GPHN: variants seen among roughly 807,000 people sequenced by gnomAD.
GPHN encodes the protein gephyrin.
GPHN carries 17 observed loss-of-function variants against 95.5 expected under a neutral mutation model. That is an observed-to-expected ratio of 0.18 (90% CI 0.12 to 0.27). GPHN has a LOEUF of 0.27. Ranked by LOEUF, GPHN falls within the 10% of genes least tolerant of loss-of-function variation. GPHN has a pLI of 1.00. For missense variants in GPHN, 660 were observed against 978.1 expected (o/e 0.67, Z 4.34); for synonymous variants, 320 against 322.5 (o/e 0.99, Z 0.08).
the GPHN span, among the ~76,000 whole-genome samples, chr14:67,500,276 C>T: frequency 6.6e-6 from 1 of 152,104 alleles, no homozygotes. Flanking sequence ...GAGTTCAAGA[C>T]CAGCCTGGCC....
chr14:66,695,381 C>G (rs2068045753), intron 2 of GPHN, among the ~76,000 whole-genome samples: 2 of 152,054 alleles, frequency 1.3e-5, no homozygotes, highest in Admixed American at 6.6e-5. Flanking sequence ...CTGACAATAC[C>G]AAGTGCTGAT....
chr14:67,053,900 TAA>T (rs1293820526), intron 10 of GPHN, among the ~76,000 whole-genome samples: 3 of 152,172 alleles, frequency 2.0e-5, no homozygotes, highest in Non-Finnish European at 4.4e-5. Context: ...AGGCCTTTGA[TAA>T]AATTCAACTT....
intron 1 of GPHN, among the ~76,000 whole-genome samples, chr14:66,670,316 A>G (rs1437709262): frequency 6.6e-6 from 1 of 152,158 alleles, no homozygotes; most frequent in Admixed American, 6.5e-5. Context: ...TTTCATGTAG[A>G]ACTTGAGTTT....
chr14:66,886,054 A>C (rs975255674), intron 5 of GPHN, among the ~76,000 whole-genome samples: 8 of 152,202 alleles, frequency 5.3e-5, no homozygotes, highest in Non-Finnish European at 1.2e-4. Context: ...AACTATCTTA[A>C]AGATTCTCAA....
chr14:66,985,718 A>G, intron 9 of GPHN: 1 of 1,529,698 alleles, frequency 6.5e-7, no homozygotes, highest in Non-Finnish European at 8.8e-7. Flanking sequence ...AGGAGTTGCT[A>G]GTAGAGTTGG....
intron 1 of GPHN, among the ~76,000 whole-genome samples, chr14:66,648,564 C>T (rs1431259568): frequency 6.6e-6 from 1 of 152,104 alleles, no homozygotes; most frequent in Non-Finnish European, 1.5e-5. Context: ...GTAACATCTT[C>T]TATAGGTTTG....
At chr14:67,704,087 C>A in the GPHN span, among the ~76,000 whole-genome samples, 121 of 152,232 alleles carry the variant, frequency 7.9e-4, no homozygotes, top group Non-Finnish European at 1.5e-3. Flanking sequence ...TTTCATTCTG[C>A]AGTTGTTTTG....
chr14:66,860,676 C>T (rs890780452), intron 4 of GPHN, among the ~76,000 whole-genome samples: 8 of 151,672 alleles, frequency 5.3e-5, no homozygotes, highest in African/African-American at 9.7e-5. Flanking sequence ...CGATAATAAC[C>T]GCAACAACTT....
the GPHN span, among the ~76,000 whole-genome samples, chr14:67,266,583 C>T: frequency 6.6e-6 from 1 of 152,060 alleles, no homozygotes; most frequent in Non-Finnish European, 1.5e-5. Flanking sequence ...GCCTCGGCCT[C>T]CCAAAGTGTT....
the GPHN span, chr14:67,685,267 C>A: frequency 7.3e-7 from 1 of 1,377,066 alleles, no homozygotes; most frequent in Non-Finnish European, 1.0e-6. Flanking sequence ...TAGCCCAAAA[C>A]AGAAAAGGAT....
At chr14:67,070,715 A>AAAAAT in intron 11 of GPHN, among the ~76,000 whole-genome samples, 9 of 80,738 alleles carry the variant, frequency 1.1e-4, no homozygotes, top group Admixed American at 1.7e-4. Context: ...AAAAAAAAAA[A>AAAAAT]ATATATATAT....
the GPHN span, among the ~76,000 whole-genome samples, chr14:67,694,495 T>C: frequency 6.7e-6 from 1 of 149,618 alleles, no homozygotes; most frequent in African/African-American, 2.5e-5. Flanking sequence ...CACACATATA[T>C]ATATATATAT....
intron 1 of GPHN, among the ~76,000 whole-genome samples, chr14:66,595,365 G>A (rs1423323484): frequency 6.6e-6 from 1 of 152,176 alleles, no homozygotes; most frequent in East Asian, 1.9e-4. Flanking sequence ...GGCATCCTTG[G>A]AGTGTTACTT....
At chr14:67,182,522 T>G (rs888639553), downstream of GPHN, among the ~76,000 whole-genome samples, 3 of 152,160 alleles carry the variant, frequency 2.0e-5, no homozygotes, top group African/African-American at 7.2e-5. Flanking sequence ...GAAGATAAGG[T>G]TAGTTAATAG....
At chr14:67,108,868 G>A (rs1292013851) in intron 13 of GPHN, among the ~76,000 whole-genome samples, 2 of 151,864 alleles carry the variant, frequency 1.3e-5, no homozygotes, top group African/African-American at 4.8e-5. Flanking sequence ...GTTCAGTAGT[G>A]GTAAATATAT....
chr14:66,639,251 A>G (rs1277797139), intron 1 of GPHN, among the ~76,000 whole-genome samples: 1 of 152,108 alleles, frequency 6.6e-6, no homozygotes. Context: ...CGAACAAAGA[A>G]GATGGCCATT....
At chr14:66,702,277 C>G (rs375523847) in intron 2 of GPHN, among the ~76,000 whole-genome samples, 181 of 152,316 alleles carry the variant, frequency 1.2e-3, no homozygotes, top group African/African-American at 4.0e-3. Flanking sequence ...AAGCACAGCC[C>G]TTCCCCCAAG....
At chr14:67,538,534 T>A in the GPHN span, among the ~76,000 whole-genome samples, 1 of 152,230 alleles carries the variant, frequency 6.6e-6, no homozygotes, top group African/African-American at 2.4e-5. Context: ...GCAAGGTGAC[T>A]TAGCAGGTGA....
At chr14:67,654,379 G>A in the GPHN span, among the ~76,000 whole-genome samples, 1 of 152,046 alleles carries the variant, frequency 6.6e-6, no homozygotes, top group African/African-American at 2.4e-5. Context: ...CTAGGCTCAA[G>A]CCATCCTCCC....
Sources: gnomAD v4.1 joint callset for allele counts (sites outside exome capture counted in the v4.1 genomes callset) on GRCh38, gnomAD v4.1.1 for gene constraint, MANE v1.5 for transcripts, NCBI Gene and HGNC (gene_info 2026-07-23, HGNC 2026-07-21) for gene names.